The following KDR variants were observed in gnomAD, a reference collection of about 807,000 sequenced individuals.
The protein encoded by KDR is kinase insert domain receptor, also known as vascular endothelial growth factor receptor 2.
A neutral mutation model predicts 160.9 loss-of-function variants in KDR; 43 were observed. The observed-to-expected ratio is 0.27, with a 90% CI of 0.21 to 0.34. The LOEUF (loss-of-function observed/expected upper bound fraction) is 0.34. Ranked by LOEUF, KDR falls within the 10% of genes least tolerant of loss-of-function variation. The probability of loss-of-function intolerance (pLI) is 1.00; values close to 1 mark genes in which losing one functional copy is unlikely to be tolerated. For missense variants in KDR, 1,469 were observed against 1,666.4 expected, an observed-to-expected ratio of 0.88 and a Z score of 2.06; for synonymous variants, 617 against 600.1, an observed-to-expected ratio of 1.03 and a Z score of -0.41.
At chr4:55,102,136 C>T (rs1720327568) in intron 14 of KDR, 108 bp from the exon 15 acceptor site, 2 of 1,507,286 alleles carry the variant, frequency 1.3e-6, no homozygotes. Flanking sequence ...GTTCTATTAT[C>T]TAACTCTGTA....
At chr4:55,090,112 G>A (rs1289650135) in intron 22 of KDR, 34 bp from the exon 23 acceptor site, 1 of 1,612,562 alleles carries the variant, frequency 6.2e-7, no homozygotes, top group Non-Finnish European at 8.5e-7. Context: ...TTAGGTCTCG[G>A]CACAGCTGAT....
At chr4:55,118,862 G>A in intron 2 of KDR, 62 bp from the exon 3 acceptor site, 1 of 1,421,208 alleles carries the variant, frequency 7.0e-7, no homozygotes, top group Non-Finnish European at 9.9e-7. Flanking sequence ...CTATTTCTAA[G>A]AAAAGAGAAA....
At chr4:55,116,233 G>A (rs1183218261) in intron 3 of KDR, among the ~76,000 whole-genome samples, 1 of 151,860 alleles carries the variant, frequency 6.6e-6, no homozygotes, top group Non-Finnish European at 1.5e-5. Flanking sequence ...CCTGACCAAC[G>A]TGGCAAAACC....
intron 13 of KDR, among the ~76,000 whole-genome samples, chr4:55,103,674 C>G (rs1201363811): frequency 1.3e-5 from 2 of 152,138 alleles, no homozygotes; most frequent in Non-Finnish European, 2.9e-5. Flanking sequence ...ATGCTAGTGT[C>G]TGTCAGAAGG....
chr4:55,084,420 G>A (rs1017840122), intron 27 of KDR, among the ~76,000 whole-genome samples: 3 of 152,194 alleles, frequency 2.0e-5, no homozygotes. Flanking sequence ...AATCAACTAG[G>A]GTTGGCGAGT....
chr4:55,117,597 T>A (rs73816225), intron 3 of KDR, among the ~76,000 whole-genome samples: 1 of 152,314 alleles, frequency 6.6e-6, no homozygotes, highest in African/African-American at 2.4e-5. Context: ...ACTACTGAAA[T>A]GTAAGCAGAG....
intron 27 of KDR, among the ~76,000 whole-genome samples, chr4:55,083,674 A>C (rs1204651115): frequency 6.6e-6 from 1 of 152,158 alleles, no homozygotes; most frequent in East Asian, 1.9e-4. Flanking sequence ...CAGAAAATAC[A>C]TTCTTCATTC....
chr4:55,101,841 C>A, intron 15 of KDR, 56 bp downstream of exon 15: 1 of 1,441,486 alleles, frequency 6.9e-7, no homozygotes, highest in Non-Finnish European at 9.7e-7. Context: ...TTCCTTTTTA[C>A]GGCTGCATAG....
intron 27 of KDR, among the ~76,000 whole-genome samples, chr4:55,085,858 A>T (rs996080279): frequency 6.6e-6 from 1 of 152,212 alleles, no homozygotes; most frequent in Non-Finnish European, 1.5e-5. Flanking sequence ...TATATCCAAC[A>T]TCGTATTTGG....
chr4:55,092,322 C>G (rs532265112), intron 22 of KDR: 177 of 420,518 alleles, frequency 4.2e-4, no homozygotes, highest in Non-Finnish European at 7.4e-4. Context: ...GAACTGTAAA[C>G]TCCATGAAGG....
rs182950682 is a variant in KDR, at chr4:55,079,847, C to A, written c.*94G>T. ...CTGTTGTCGAAATGAAAATCAAATGCGGCTACTTCCTGCTGGTGGAAAGAA... is the reference window on the plus strand; with the variant it reads ...CTGTTGTCGAAATGAAAATCAAATGAGGCTACTTCCTGCTGGTGGAAAGAA... On this transcript the variant is annotated 3_prime_UTR_variant, in exon 30 of 30. Transcript: ENST00000263923. The A allele has an allele frequency of 2.7e-6, 3 of 1,117,098 alleles. No individual in the cohort carries two copies. Among genetic ancestry groups the A allele is most frequent in the Non-Finnish European group, 4.1e-6 (3 of 728,988 alleles). 69.2% of individuals were successfully genotyped at this position (1,117,098 alleles called of 1,614,324 possible).
At chr4:55,108,794 T>G (rs1197895758) in intron 9 of KDR, among the ~76,000 whole-genome samples, 1 of 152,062 alleles carries the variant, frequency 6.6e-6, no homozygotes, top group Admixed American at 6.6e-5. Context: ...CCTTTCTTTC[T>G]TTTTTGACTC....
At chr4:55,109,556 TG>T (rs796425337) in intron 9 of KDR, among the ~76,000 whole-genome samples, 37 of 152,266 alleles carry the variant, frequency 2.4e-4, no homozygotes, top group African/African-American at 8.7e-4. Context: ...TTTCTCAAAC[TG>T]TTTGGAGTGA....
In KDR at chr4:55,095,607, C is replaced by T. The variant is rs1478164101; in HGVS notation, c.2787G>A (p.Arg929=). 1.9e-6 allele frequency: 3 copies of T among 1,613,266 alleles called. No homozygotes were observed. The highest frequency in any genetic ancestry group is 1.1e-5 in the South Asian group (1 of 91,074). ...CKFGNLSTYL[R]SKRNEFVPYK... ...AGGGGACAAATTCATTTCTCTTGCTCCTCAGGTAAGTGGACAGGTTTCCAA... is the reference window on the plus strand; with the variant it reads ...AGGGGACAAATTCATTTCTCTTGCTTCTCAGGTAAGTGGACAGGTTTCCAA... Residue 929 remains arginine (R), a synonymous_variant, in exon 20 of 30, where the codon AGG becomes AGA. Transcript: ENST00000263923.
intron 21 of KDR, among the ~76,000 whole-genome samples, chr4:55,093,174 C>G (rs894245021): frequency 3.3e-5 from 5 of 152,172 alleles, no homozygotes; most frequent in African/African-American, 1.2e-4. Context: ...CTATAATCTG[C>G]AATAGATAAC....
chr4:55,086,889 G>A (rs1332173814), intron 27 of KDR, among the ~76,000 whole-genome samples: 1 of 152,184 alleles, frequency 6.6e-6, no homozygotes, highest in African/African-American at 2.4e-5. Flanking sequence ...AACGGGTTAG[G>A]AAAGAAACAA....
intron 22 of KDR, among the ~76,000 whole-genome samples, chr4:55,091,696 CA>C (rs778350886): frequency 4.7e-5 from 7 of 150,212 alleles, no homozygotes; most frequent in African/African-American, 7.3e-5. Flanking sequence ...TTAGGAAAAA[CA>C]AAAAAAAATA....
intron 10 of KDR, among the ~76,000 whole-genome samples, 197 bp downstream of exon 10, chr4:55,107,540 C>T (rs531547607): frequency 1.4e-4 from 22 of 152,242 alleles, no homozygotes; most frequent in African/African-American, 5.1e-4. Context: ...GCTTAGCTAA[C>T]CCCAAAGGAG....
chr4:55,104,410 C>T (rs918148201), intron 13 of KDR, among the ~76,000 whole-genome samples: 2 of 152,152 alleles, frequency 1.3e-5, no homozygotes, highest in South Asian at 2.1e-4. Flanking sequence ...AGCTAATATC[C>T]CTTGCATATA....
Sources: gnomAD v4.1 joint callset for allele counts (sites outside exome capture counted in the v4.1 genomes callset) on GRCh38, gnomAD v4.1.1 for gene constraint, MANE v1.5 for transcripts, NCBI Gene and HGNC (gene_info 2026-07-23, HGNC 2026-07-21) for gene names.